Variants in DLGAP1 observed in about 807,000 individuals in gnomAD.
DLGAP1 encodes DLG associated protein 1.
Under a neutral mutation model 90.8 loss-of-function variants are expected in DLGAP1, and 11 were observed. The observed-to-expected ratio is 0.12, with a 90% CI of 0.08 to 0.20. DLGAP1 has a LOEUF of 0.20. DLGAP1 is among the 10% of genes least tolerant of loss of function. The pLI is 1.00. For synonymous variants in DLGAP1, 558 were observed against 540.7 expected, an observed-to-expected ratio of 1.03 and a Z score of -0.44; for missense variants, 1,050 against 1,333.8, an observed-to-expected ratio of 0.79 and a Z score of 3.31.
chr18:4,257,071 A>G (rs1339596637), intron 1 of DLGAP1, among the ~76,000 whole-genome samples: 2 of 152,250 alleles, frequency 1.3e-5, no homozygotes, highest in East Asian at 1.9e-4. Context: ...GAAAGGAAGA[A>G]GAAGCCTACA....
chr18:3,919,222 G>A (rs752072936), intron 3 of DLGAP1, among the ~76,000 whole-genome samples: 53 of 152,128 alleles, frequency 3.5e-4, no homozygotes, highest in Non-Finnish European at 6.9e-4. Flanking sequence ...CACACACTTC[G>A]AATCCTTACC....
rs1455367831 is a variant in DLGAP1 at position 3,879,210 on chromosome 18, G to A, written c.859C>T (p.Arg287Trp). ...GCCTTCTGGTAAACCTCCCGGGCCCGGCTCACGGTGAGCGTGGAGGACCAG... is the reference window on the plus strand; with the variant it reads ...GCCTTCTGGTAAACCTCCCGGGCCCAGCTCACGGTGAGCGTGGAGGACCAG... Reference protein sequence around the residue: ...SAWSSTLTVSRAREVYQKASV... With the variant: ...SAWSSTLTVSWAREVYQKASV... The change falls in exon 4 of 13, where the codon CGG becomes TGG. Residue 287 changes from arginine to tryptophan, a missense_variant. Arg to Trp is a moderately radical substitution (Grantham distance 101, BLOSUM62 -3). This residue lies in a region of DLGAP1 where 485 missense variants were observed against 454.1 expected (regional missense o/e 1.07). Transcript: ENST00000315677. The surrounding 1 kb of genome is among the most constrained non-coding windows in gnomAD (Gnocchi z 6.6). The A allele has an allele frequency of 6.4e-7, 1 of 1,565,856 alleles. No homozygotes were observed. Among genetic ancestry groups the A allele is most frequent in the East Asian group, 2.3e-5 (1 of 44,330 alleles).
At chr18:4,179,632 G>A (rs2144649121) in intron 1 of DLGAP1, among the ~76,000 whole-genome samples, 1 of 152,182 alleles carries the variant, frequency 6.6e-6, no homozygotes, top group African/African-American at 2.4e-5. Context: ...TGTTATCCTA[G>A]ACTCTCACAT....
At chr18:4,366,263 T>C (rs1040485608) in intron 1 of DLGAP1, among the ~76,000 whole-genome samples, 1 of 152,132 alleles carries the variant, frequency 6.6e-6, no homozygotes, top group African/African-American at 2.4e-5. Flanking sequence ...AATAAATCTA[T>C]GTTAAATCAA....
chr18:4,305,579 C>T (rs1484869598), intron 1 of DLGAP1, among the ~76,000 whole-genome samples: 1 of 151,214 alleles, frequency 6.6e-6, no homozygotes, highest in Non-Finnish European at 1.5e-5. Context: ...AACCACAGGT[C>T]ATTTAGTCCA....
At chr18:4,138,208 T>C (rs115783281) in intron 2 of DLGAP1, among the ~76,000 whole-genome samples, 130 of 152,228 alleles carry the variant, frequency 8.5e-4, no homozygotes, top group African/African-American at 2.9e-3. Flanking sequence ...GAAAGGCTTT[T>C]CCTTTTTCCT....
intron 1 of DLGAP1, among the ~76,000 whole-genome samples, chr18:4,332,910 C>T (rs183138099): frequency 3.3e-5 from 5 of 151,958 alleles, no homozygotes; most frequent in Admixed American, 3.3e-4. Context: ...TTTAAAAAAT[C>T]GAGTTTAAAA....
chr18:3,902,840 GGA>G (rs1310392669), intron 3 of DLGAP1, among the ~76,000 whole-genome samples: 1 of 151,780 alleles, frequency 6.6e-6, no homozygotes, highest in Non-Finnish European at 1.5e-5. Context: ...TGGACACTAG[GGA>G]GAGTCTTCCT....
At chr18:3,788,789 T>C (rs2065583058) in intron 5 of DLGAP1, among the ~76,000 whole-genome samples, 1 of 152,196 alleles carries the variant, frequency 6.6e-6, no homozygotes, top group African/African-American at 2.4e-5. Context: ...GAAATAGTTA[T>C]GAATCAATGT....
chr18:3,779,235 CTGTTGTTGT>C (rs759775066), intron 5 of DLGAP1, among the ~76,000 whole-genome samples: 3 of 152,004 alleles, frequency 2.0e-5, no homozygotes, highest in Non-Finnish European at 2.9e-5. Context: ...ACCAGTTTTG[CTGTTGTTGT>C]TGTTGTTGTT....
intron 1 of DLGAP1, among the ~76,000 whole-genome samples, chr18:4,198,577 G>A (rs12958780): frequency 0.2 from 30,855 of 152,160 alleles, 3,800 homozygotes; most frequent in East Asian, 0.43. Context: ...TAATATTATG[G>A]AAACTTTTTA....
intron 3 of DLGAP1, among the ~76,000 whole-genome samples, chr18:3,924,511 A>G (rs1197256093): frequency 1.3e-5 from 2 of 152,178 alleles, no homozygotes; most frequent in Non-Finnish European, 2.9e-5. Context: ...TAGCATACAC[A>G]AATCTCAAGT....
chr18:4,395,453 C>T lies in DLGAP1; in HGVS notation c.-267+59553G>A, dbSNP rs574625755. Among the ~76,000 whole-genome samples, 9 of 152,248 alleles carry T rather than the reference C, an allele frequency of 5.9e-5. No individual in the cohort carries two copies. The South Asian group carries it at 1.9e-3, about 32-fold the overall frequency. ...ATTATTTCTAGCATCTACCTCAGTA[C>T]GAGGGCTCCGCGTATTACCTATAGC... On this transcript the variant is annotated intron_variant, in intron 1 of 12. Transcript: ENST00000315677.
chr18:3,695,018 C>T (rs1354308104), intron 7 of DLGAP1, among the ~76,000 whole-genome samples: 1 of 150,168 alleles, frequency 6.7e-6, no homozygotes, highest in East Asian at 1.9e-4. Context: ...TGGCTCACTG[C>T]AAGCTCCGCC....
At chr18:3,599,261 TC>T (rs1424540215) in intron 7 of DLGAP1, among the ~76,000 whole-genome samples, 4 of 152,198 alleles carry the variant, frequency 2.6e-5, no homozygotes, top group African/African-American at 9.7e-5. Flanking sequence ...ACCTATAGTC[TC>T]ATTAAATTAA....
chr18:4,405,606 A>C (rs1487888528), intron 1 of DLGAP1, among the ~76,000 whole-genome samples: 1 of 152,136 alleles, frequency 6.6e-6, no homozygotes, highest in African/African-American at 2.4e-5. Context: ...GTGAGAGGGG[A>C]CACAATACGT....
At position 3,815,595 on chromosome 18, in the gene DLGAP1, T is replaced by C. The variant is rs1051952842; in HGVS notation, c.958-1322A>G. ...CAACAAAATCATATTGTCAGTGCAC[T>C]GCTCTTCTTTTTTCTTTCCACAGTC... On this transcript the variant is annotated intron_variant, in intron 4 of 12. Coordinates refer to ENST00000315677, the MANE Select transcript of DLGAP1 (RefSeq NM_004746.4). 8.5e-5 allele frequency among the ~76,000 whole-genome samples: 13 copies of C among 152,190 alleles called. No individual in the cohort carries two copies. In the South Asian group the frequency reaches 2.7e-3, roughly 32 times the overall value.
chr18:4,327,995 T>A (rs983206801), intron 1 of DLGAP1, among the ~76,000 whole-genome samples: 2 of 150,408 alleles, frequency 1.3e-5, no homozygotes, highest in Admixed American at 6.6e-5. Flanking sequence ...AAGACTGAAT[T>A]GTCATAAATC....
chr18:3,815,474 T>C (rs1427625809), intron 4 of DLGAP1, among the ~76,000 whole-genome samples: 1 of 152,198 alleles, frequency 6.6e-6, no homozygotes, highest in Non-Finnish European at 1.5e-5. Flanking sequence ...GGCCTTCTGA[T>C]TGCTTGACTT....
Sources: gnomAD v4.1 joint callset for allele counts (sites outside exome capture counted in the v4.1 genomes callset) on GRCh38, gnomAD v4.1.1 for gene constraint, gnomAD v4.1.1 regional missense constraint, Gnocchi (gnomAD v3.1) non-coding constraint, MANE v1.5 for transcripts, NCBI Gene and HGNC (gene_info 2026-07-23, HGNC 2026-07-21) for gene names.